HYDIN: variants seen among roughly 807,000 people sequenced by gnomAD.
HYDIN encodes HYDIN axonemal central pair apparatus protein, also known as axonemal central pair apparatus protein HYDIN.
Under a neutral mutation model 403.9 loss-of-function variants are expected in HYDIN, and 132 were observed. The ratio of observed to expected loss-of-function variants is 0.33; its 90% confidence interval spans 0.28 to 0.38. HYDIN has a LOEUF of 0.38. Among genes scored for constraint, HYDIN ranks in the 10% least tolerant of loss-of-function variants. HYDIN has a pLI of 1.00. For missense variants in HYDIN, 2,827 were observed against 5,009.5 expected, an observed-to-expected ratio of 0.56 and a Z score of 13.15; for synonymous variants, 1,202 against 1,891.7, an observed-to-expected ratio of 0.64 and a Z score of 9.46.
At chr16:70,931,714 G>T (rs1439867117) in intron 45 of HYDIN, among the ~76,000 whole-genome samples, 1 of 152,136 alleles carries the variant, frequency 6.6e-6, no homozygotes, top group Non-Finnish European at 1.5e-5. Flanking sequence ...GAAATCTTCC[G>T]ATTAGAAAGG....
intron 70 of HYDIN, among the ~76,000 whole-genome samples, chr16:70,860,445 G>C (rs2039337551): frequency 1.4e-5 from 2 of 140,752 alleles, no homozygotes; most frequent in Non-Finnish European, 3.0e-5. Flanking sequence ...GATCCTCTGT[G>C]GTTAAGGAGG....
At chr16:70,819,211 G>A (rs1187354542) in intron 83 of HYDIN, among the ~76,000 whole-genome samples, 1 of 151,928 alleles carries the variant, frequency 6.6e-6, no homozygotes, top group Non-Finnish European at 1.5e-5. Context: ...CACAGTGCCT[G>A]GCCACAGTGG....
At chr16:71,226,281 G>T (rs533417396) in intron 1 of HYDIN, among the ~76,000 whole-genome samples, 2 of 152,232 alleles carry the variant, frequency 1.3e-5, no homozygotes, top group South Asian at 4.1e-4. Context: ...TCAGAAACAT[G>T]TATTCACACA....
chr16:70,977,601 TG>T lies in HYDIN; in HGVS notation c.4638+1312del, dbSNP rs2078924075. ...CCTAAGGGCTCTCTAGCCACATATA[TG>T]ATTCTTCCTTAGAACAATATTCGCA... On this transcript the variant is annotated intron_variant, in intron 30 of 85. Transcript: ENST00000393567. Among the ~76,000 whole-genome samples, 5 of 147,100 alleles carry T rather than the reference TG, an allele frequency of 3.4e-5. No individual in the cohort carries two copies. In the Middle Eastern group the frequency reaches 0.014, roughly 406 times the overall value.
chr16:71,204,027 T>G (rs774768702), intron 1 of HYDIN: 6 of 260,318 alleles, frequency 2.3e-5, no homozygotes, highest in Non-Finnish European at 3.8e-5. Context: ...ATCTTGCCAA[T>G]GCACTCCAGC....
chr16:71,221,004 A>G (rs2089172920), intron 1 of HYDIN, among the ~76,000 whole-genome samples: 1 of 152,152 alleles, frequency 6.6e-6, no homozygotes, highest in Admixed American at 6.5e-5. Flanking sequence ...AGGTAAGTGG[A>G]GCACTGAAAC....
At chr16:71,190,620 CCTAATGAAATGAAGGATCTTCAGTG>C (rs2087388958) in intron 1 of HYDIN, among the ~76,000 whole-genome samples, 1 of 152,030 alleles carries the variant, frequency 6.6e-6, no homozygotes, top group Admixed American at 6.6e-5. Context: ...TTTTGCAGCC[CCTAATGAAATGAAGGATCTTCAGTG>C]CTAAAATAAT....
Position 70,974,312 on chromosome 16 carries a change from C to A in HYDIN, c.4910-12G>T, listed in dbSNP as rs1567933285. On this transcript the variant is annotated splice_polypyrimidine_tract_variant and intron_variant, in intron 32 of 85. Transcript: ENST00000393567. The stretch of plus-strand genomic sequence containing the variant: ...CTCAGTACTGAATCCTGGACCAAGA[C>A]AAAAAAAAATTTCTTCATGGAAAAG... 3 of 1,545,944 alleles carry A rather than the reference C, an allele frequency of 1.9e-6. No individual in the cohort carries two copies. Among genetic ancestry groups the A allele is most frequent in the Non-Finnish European group, 2.6e-6 (3 of 1,150,870 alleles).
intron 41 of HYDIN, among the ~76,000 whole-genome samples, chr16:70,949,250 T>C (rs920309355): frequency 4.1e-4 from 56 of 138,056 alleles, no homozygotes; most frequent in African/African-American, 1.4e-3. Context: ...TAGGTGGGAA[T>C]TGAACAATGA....
rs564029343 is a variant in HYDIN, at chr16:71,223,901, T to C, written c.-24+6661A>G. 4.6e-5 allele frequency among the ~76,000 whole-genome samples: 7 copies of C among 152,286 alleles called. No homozygotes were observed. In the East Asian group the frequency reaches 1.2e-3, roughly 25 times the overall value. ...TGGGAATGCAAATTAGTACAACCACTAAAAGTAGATCTACCATTTCATCCA... is the reference window on the plus strand; with the variant it reads ...TGGGAATGCAAATTAGTACAACCACCAAAAGTAGATCTACCATTTCATCCA... On this transcript the variant is annotated intron_variant, in intron 1 of 85. Coordinates refer to ENST00000393567, the MANE Select transcript of HYDIN (RefSeq NM_001270974.2).
At chr16:71,077,769 C>T (rs980665802) in intron 13 of HYDIN, among the ~76,000 whole-genome samples, 2 of 151,480 alleles carry the variant, frequency 1.3e-5, no homozygotes, top group African/African-American at 4.9e-5. Flanking sequence ...ACTAATATTA[C>T]TAAATATACA....
In HYDIN at chr16:70,932,275, A is replaced by T. The variant is rs1239689073; in HGVS notation, c.7158+3677T>A. ...GACGCTGAGGCAGGAGAATCACTTG[A>T]ACATGGGAAGCGGAGGTTGCAGTGA... On this transcript the variant is annotated intron_variant, in intron 45 of 85. Transcript: ENST00000393567. 7.2e-5 allele frequency among the ~76,000 whole-genome samples: 11 copies of T among 152,162 alleles called. No homozygotes were observed. In the East Asian group the frequency reaches 2.1e-3, roughly 29 times the overall value.
intron 7 of HYDIN, among the ~76,000 whole-genome samples, chr16:71,146,259 C>G (rs1597881982): frequency 6.7e-6 from 1 of 150,350 alleles, no homozygotes; most frequent in Non-Finnish European, 1.5e-5. Flanking sequence ...ATACAGTGAC[C>G]CAAATCTAAT....
chr16:71,159,779 A>AT (rs1407153448), intron 6 of HYDIN, among the ~76,000 whole-genome samples: 3 of 152,140 alleles, frequency 2.0e-5, no homozygotes, highest in Non-Finnish European at 2.9e-5. Flanking sequence ...TGAGGAAAAA[A>AT]ATATATATAT....
chr16:70,934,468 G>C (rs2077442363), intron 45 of HYDIN, among the ~76,000 whole-genome samples: 1 of 152,154 alleles, frequency 6.6e-6, no homozygotes, highest in Admixed American at 6.6e-5. Flanking sequence ...TGATGAGGAA[G>C]CAGGAAGGTC....
At chr16:71,206,738 C>T (rs765383715) in intron 1 of HYDIN, among the ~76,000 whole-genome samples, 6 of 152,090 alleles carry the variant, frequency 3.9e-5, no homozygotes, top group Admixed American at 6.6e-5. Context: ...TGTAACTGAC[C>T]GATAGAGCTG....
chr16:70,992,129 G>C lies in HYDIN; in HGVS notation c.3726C>G (p.Ser1242Arg). 6.2e-6 allele frequency: 10 copies of C among 1,612,792 alleles called. No individual in the cohort carries two copies. Among genetic ancestry groups the C allele is most frequent in the Non-Finnish European group, 8.5e-6 (10 of 1,179,432 alleles). Reference protein sequence around the residue: ...ESIPATSEAASPPAILVTVES... With the variant: ...ESIPATSEAARPPAILVTVES... The stretch of plus-strand genomic sequence containing the variant: ...CTACTGTAACTAGGATTGCTGGTGG[G>C]CTGGCAGCCTCTGAGGTTGCTGGGA... The change falls in exon 24 of 86, where the codon AGC (serine) becomes AGG (arginine). Residue 1242 changes from serine to arginine, a missense_variant. Physicochemically the swap from Ser to Arg is moderately radical, Grantham distance 110 (BLOSUM62 -1). Coordinates refer to ENST00000393567, the MANE Select transcript of HYDIN (RefSeq NM_001270974.2).
intron 84 of HYDIN, 66 bp from the exon 85 acceptor site, chr16:70,810,073 C>G (rs2035371148): frequency 7.0e-7 from 1 of 1,426,294 alleles, no homozygotes; most frequent in Admixed American, 1.7e-5. Context: ...ACCTAGAGAC[C>G]TGCCCAAGGC....
At chr16:71,124,030 A>G (rs995990548) in intron 9 of HYDIN, among the ~76,000 whole-genome samples, 14 of 151,546 alleles carry the variant, frequency 9.2e-5, no homozygotes, top group African/African-American at 3.4e-4. Flanking sequence ...TTCTCCACCA[A>G]TGAACACCTC....
Sources: gnomAD v4.1 joint callset for allele counts (sites outside exome capture counted in the v4.1 genomes callset) on GRCh38, gnomAD v4.1.1 for gene constraint, MANE v1.5 for transcripts, NCBI Gene and HGNC (gene_info 2026-07-23, HGNC 2026-07-21) for gene names.